Variants in LAMA2 observed in about 807,000 individuals in gnomAD.
LAMA2 encodes laminin subunit alpha-2.
A neutral mutation model predicts 364.8 loss-of-function variants in LAMA2; 269 were observed. The ratio of observed to expected loss-of-function variants is 0.74; its 90% CI spans 0.67 to 0.82. LAMA2 has a LOEUF of 0.82. Ranked by LOEUF, LAMA2 falls within the 40% of genes least tolerant of loss-of-function variation. LAMA2 has a pLI of 0.00. For synonymous variants in LAMA2, 1,379 were observed against 1,370.6 expected, an observed-to-expected ratio of 1.01 and a Z score of -0.14; for missense variants, 3,807 against 3,873.2, an observed-to-expected ratio of 0.98 and a Z score of 0.45.
chr6:129,352,299 G>T (rs1014028878), intron 31 of LAMA2, among the ~76,000 whole-genome samples: 1 of 152,164 alleles, frequency 6.6e-6, no homozygotes, highest in Non-Finnish European at 1.5e-5. Context: ...ATACACTTAG[G>T]TGAATGGATG....
At chr6:129,375,177 A>G (rs995673417) in intron 34 of LAMA2, among the ~76,000 whole-genome samples, 4 of 152,156 alleles carry the variant, frequency 2.6e-5, no homozygotes, top group Admixed American at 6.5e-5. Context: ...AAAAAATTAC[A>G]TAATCATATA....
chr6:128,956,471 G>A (rs1420371845), intron 1 of LAMA2, among the ~76,000 whole-genome samples: 1 of 151,956 alleles, frequency 6.6e-6, no homozygotes, highest in Non-Finnish European at 1.5e-5. Context: ...GAGTGGAGGT[G>A]AAACATAGCA....
At position 129,098,273 on chromosome 6, in the gene LAMA2, G is replaced by A. The variant is rs1299648358; in HGVS notation, c.497G>A (p.Trp166Ter). Residue 166 changes from tryptophan to a stop codon, truncating the protein, a stop_gained, in exon 4 of 65, where the codon TGG (tryptophan) becomes TAG (stop). Transcript: ENST00000421865. LOFTEE classifies it high-confidence loss of function. The part of the protein sequence containing the change: ...RSLDDVEYKP[W>*]QYHAVTDTEC... ...CTTGATGATGTTGAATACAAGCCCT[G>A]GCAGTATCATGCTGTGACAGACACG... is the stretch of plus-strand genomic sequence containing the variant. 1.9e-6 allele frequency: 3 copies of A among 1,614,088 alleles called. No homozygotes were observed. The highest frequency in any genetic ancestry group is 1.7e-6 in the Non-Finnish European group (2 of 1,180,000).
At chr6:129,388,901 T>G (rs1779170799) in intron 35 of LAMA2, among the ~76,000 whole-genome samples, 1 of 152,210 alleles carries the variant, frequency 6.6e-6, no homozygotes, top group African/African-American at 2.4e-5. Flanking sequence ...GAGCCAAATC[T>G]GCTACTGCTT....
In LAMA2 at chr6:129,315,424, G is replaced by T. The variant is rs1171990571; in HGVS notation, c.3556-52G>T. ...ATGCAGTTCGTAACTTAGTTTTAAA[G>T]AAATGTCCAAAGCGTAAATTCAGCC... On this transcript the variant is annotated intron_variant, in intron 24 of 64. Coordinates refer to ENST00000421865, the MANE Select transcript of LAMA2 (RefSeq NM_000426.4). 5.2e-6 allele frequency: 8 copies of T among 1,534,536 alleles called. No homozygotes were observed. The African/African-American group carries it at 9.6e-5, about 18-fold the overall frequency.
intron 59 of LAMA2, 47 bp from the exon 60 acceptor site, chr6:129,503,044 G>A: frequency 6.5e-7 from 1 of 1,529,384 alleles, no homozygotes; most frequent in Non-Finnish European, 9.1e-7. Flanking sequence ...TTTAGCATGA[G>A]AATGCTGTTA....
chr6:129,485,571 G>C (rs1173153029), intron 55 of LAMA2, among the ~76,000 whole-genome samples: 1 of 152,154 alleles, frequency 6.6e-6, no homozygotes, highest in Non-Finnish European at 1.5e-5. Context: ...AGAGTTATTT[G>C]TGATTCCTTT....
intron 33 of LAMA2, among the ~76,000 whole-genome samples, 198 bp downstream of exon 33, chr6:129,366,559 G>C (rs1450023385): frequency 6.6e-6 from 1 of 152,140 alleles, no homozygotes; most frequent in Non-Finnish European, 1.5e-5. Context: ...TAAGGGAAAA[G>C]AGTCTCATGT....
intron 29 of LAMA2, among the ~76,000 whole-genome samples, chr6:129,333,926 A>G (rs974649461): frequency 2.0e-5 from 3 of 152,184 alleles, no homozygotes; most frequent in Non-Finnish European, 4.4e-5. Flanking sequence ...TTCTAAAAGC[A>G]TGTCTATTTT....
At chr6:129,405,447 C>G (rs925133908) in intron 40 of LAMA2, among the ~76,000 whole-genome samples, 5 of 152,074 alleles carry the variant, frequency 3.3e-5, no homozygotes, top group African/African-American at 1.2e-4. Context: ...TCTTACCACC[C>G]ATGCTTATAC....
chr6:129,061,250 C>T (rs906468794), intron 3 of LAMA2, among the ~76,000 whole-genome samples: 1 of 152,188 alleles, frequency 6.6e-6, no homozygotes, highest in Non-Finnish European at 1.5e-5. Flanking sequence ...AAGAGTGAGT[C>T]TGCTGTGCAT....
intron 1 of LAMA2, among the ~76,000 whole-genome samples, chr6:129,046,068 T>G (rs1047603450): frequency 8.5e-5 from 13 of 152,214 alleles, no homozygotes; most frequent in Non-Finnish European, 1.3e-4. Context: ...CTTAAACTCA[T>G]CATATAAGCG....
At chr6:129,507,011 G>T (rs191884558) in intron 61 of LAMA2, among the ~76,000 whole-genome samples, 26 of 151,968 alleles carry the variant, frequency 1.7e-4, no homozygotes, top group Admixed American at 3.9e-4. Context: ...ATTTTCTTAG[G>T]GGAGGGTCTG....
At chr6:128,893,280 G>T (rs1776570907) in intron 1 of LAMA2, among the ~76,000 whole-genome samples, 1 of 151,724 alleles carries the variant, frequency 6.6e-6, no homozygotes, top group African/African-American at 2.4e-5. Context: ...AATACTATTT[G>T]TTATTATAAT....
intron 53 of LAMA2, among the ~76,000 whole-genome samples, chr6:129,476,852 A>G (rs772681021): frequency 6.6e-6 from 1 of 152,230 alleles, no homozygotes; most frequent in African/African-American, 2.4e-5. Context: ...AGGAAAAATT[A>G]TCAATGAAAA....
Position 129,380,786 on chromosome 6 carries a change from T to C in LAMA2, c.4960-2336T>C, listed in dbSNP as rs532474559. ...GGGTCTTAGTGCTAATTGTTTTAAC[T>C]TCTTTCTTATCATGGAGTTTGTAGG... On this transcript the variant is annotated intron_variant, in intron 34 of 64. Coordinates refer to ENST00000421865, the MANE Select transcript of LAMA2 (RefSeq NM_000426.4). 2.7e-3 allele frequency among the ~76,000 whole-genome samples: 412 copies of C among 150,574 alleles called. 1 individual carries two copies. Among genetic ancestry groups the C allele is most frequent in the Admixed American group, 5.1e-3 (77 of 15,108 alleles).
chr6:129,210,400 ACG>A (rs1263305076), intron 12 of LAMA2, among the ~76,000 whole-genome samples: 2 of 122,064 alleles, frequency 1.6e-5, no homozygotes, highest in African/African-American at 9.6e-5. Context: ...ACGCATGTGC[ACG>A]CACACACACA....
intron 6 of LAMA2, among the ~76,000 whole-genome samples, chr6:129,148,614 C>A (rs1337589430): frequency 6.6e-6 from 1 of 151,998 alleles, no homozygotes; most frequent in East Asian, 1.9e-4. Flanking sequence ...CTTGCCATAT[C>A]CAAAAATATT....
chr6:129,232,296 T>C (rs764596520), intron 12 of LAMA2, among the ~76,000 whole-genome samples: 19 of 152,170 alleles, frequency 1.2e-4, no homozygotes, highest in Admixed American at 3.3e-4. Flanking sequence ...CCTGCTTAAA[T>C]GACATTACAT....
Sources: allele counts gnomAD v4.1 joint callset (sites outside exome capture counted in the v4.1 genomes callset), GRCh38; gene constraint gnomAD v4.1.1; transcripts MANE v1.5; gene names NCBI Gene and HGNC (gene_info 2026-07-23, HGNC 2026-07-21).